SMC5: variants seen among roughly 807,000 people sequenced by gnomAD.
SMC5 encodes the protein structural maintenance of chromosomes 5, also known as structural maintenance of chromosomes protein 5.
SMC5 carries 88 observed loss-of-function variants against 148.3 expected under a neutral mutation model. That is an observed-to-expected ratio of 0.59 (90% confidence interval 0.50 to 0.71). The LOEUF (loss-of-function observed/expected upper bound fraction) is 0.71, where lower values mean the gene tolerates loss of function less well. Ranked by LOEUF, SMC5 falls within the 30% of genes least tolerant of loss-of-function variation. The pLI is 0.00. For missense variants in SMC5, 1,142 were observed against 1,298.9 expected (o/e 0.88, Z 1.86); for synonymous variants, 421 against 432.8 (o/e 0.97, Z 0.34).
intron 17 of SMC5, among the ~76,000 whole-genome samples, chr9:70,328,974 A>T (rs2036154825): frequency 6.6e-6 from 1 of 152,160 alleles, no homozygotes. Context: ...CCCTGAAGTA[A>T]TGGCCTGAGC....
chr9:70,352,416 T>C lies in SMC5; in HGVS notation c.*85T>C, dbSNP rs2036826865. 7.4e-7 allele frequency: 1 copy of C among 1,349,962 alleles called. No homozygotes were observed. The highest frequency in any genetic ancestry group is 1.0e-6 in the Non-Finnish European group (1 of 1,001,782). 83.6% of individuals were successfully genotyped at this position (1,349,962 alleles called of 1,614,324 possible). ...CTCAACTGAATAAAAGGAGATTCAC[T>C]AAAACGAAAAGCAGTTATTTTTGGA... On this transcript the variant is annotated 3_prime_UTR_variant, in exon 25 of 25. Transcript: ENST00000361138.
chr9:70,270,950 A>G (rs2034433164), intron 3 of SMC5, among the ~76,000 whole-genome samples: 1 of 152,104 alleles, frequency 6.6e-6, no homozygotes, highest in Non-Finnish European at 1.5e-5. Context: ...CCCGGCCTAC[A>G]TATTTCTTAA....
chr9:70,346,729 C>A, intron 19 of SMC5, 80 bp downstream of exon 19: 1 of 1,424,216 alleles, frequency 7.0e-7, no homozygotes. Context: ...CTTTAAGGCC[C>A]GGAGATGAAT....
chr9:70,286,127 G>C (rs563470042), intron 7 of SMC5, 73 bp from the exon 8 acceptor site: 1 of 887,282 alleles, frequency 1.1e-6, no homozygotes, highest in African/African-American at 1.7e-5. Flanking sequence ...TATTTGAATG[G>C]GCAGGGCCAT....
Position 70,277,297 on chromosome 9 carries a change from A to AT in SMC5, c.381-7dup. On this transcript the variant is annotated splice_polypyrimidine_tract_variant and intron_variant, in intron 3 of 24. Transcript: ENST00000361138. ...TTTTGAATATAAAGATTCTTAAATTATTTTTTAATTAGGTTCAGGGCTTCT... is the reference window on the plus strand; with the variant it reads ...TTTTGAATATAAAGATTCTTAAATTATTTTTTTAATTAGGTTCAGGGCTTCT... The AT allele has an allele frequency of 6.7e-7, 1 of 1,482,518 alleles. No homozygotes were observed. Among genetic ancestry groups the AT allele is most frequent in the Non-Finnish European group, 8.9e-7 (1 of 1,118,930 alleles). 91.8% of individuals were successfully genotyped at this position (1,482,518 alleles called of 1,614,324 possible). A position where few individuals can be genotyped will look rare whatever the true frequency, so the allele number is the denominator to read the frequency against.
chr9:70,296,725 A>G (rs79256941), intron 8 of SMC5, among the ~76,000 whole-genome samples: 5,320 of 152,254 alleles, frequency 0.035, 125 homozygotes, highest in Non-Finnish European at 0.054. Context: ...GATGTGTTAA[A>G]TTTATCTATT....
At chr9:70,270,967 C>G (rs984488339) in intron 3 of SMC5, among the ~76,000 whole-genome samples, 3 of 152,018 alleles carry the variant, frequency 2.0e-5, no homozygotes. Context: ...TTAATACAGG[C>G]TGAGTATCCC....
Position 70,286,246 on chromosome 9 carries a change from A to G in SMC5, c.1028A>G (p.Asp343Gly), listed in dbSNP as rs2034898995. 2 of 1,593,708 alleles carry G rather than the reference A, an allele frequency of 1.3e-6. No homozygotes were observed. Among genetic ancestry groups the G allele is most frequent in the South Asian group, 2.2e-5 (2 of 89,918 alleles). ...EASQKCKQKQ[D>G]VIERKDKHIE... is the part of the protein sequence containing the mutation. ...TCTCAAAAATGCAAACAGAAGCAAGATGTTATAGAAAGGAAAGATAAACAT... is the reference window on the plus strand; with the variant it reads ...TCTCAAAAATGCAAACAGAAGCAAGGTGTTATAGAAAGGAAAGATAAACAT... Residue 343 changes from aspartate (D) to glycine (G), a missense_variant, in exon 8 of 25, where the codon GAT becomes GGT. By Grantham distance (94) the Asp-to-Gly change is moderately conservative. This residue lies in a region of SMC5 where 743 missense variants were observed against 835.7 expected (regional missense o/e 0.89). Transcript: ENST00000361138.
At chr9:70,293,256 A>C (rs2035111735) in intron 8 of SMC5, among the ~76,000 whole-genome samples, 1 of 152,078 alleles carries the variant, frequency 6.6e-6, no homozygotes, top group African/African-American at 2.4e-5. Flanking sequence ...TGTATGCATA[A>C]ATTCTCTTAT....
chr9:70,325,120 T>C (rs561052490), intron 17 of SMC5, among the ~76,000 whole-genome samples: 1 of 152,222 alleles, frequency 6.6e-6, no homozygotes, highest in South Asian at 2.1e-4. Flanking sequence ...GCTGAAATCA[T>C]GTGGCTCAAA....
intron 17 of SMC5, among the ~76,000 whole-genome samples, chr9:70,334,744 A>G (rs999358561): frequency 8.5e-5 from 13 of 152,150 alleles, no homozygotes; most frequent in Non-Finnish European, 1.6e-4. Context: ...AAATAATTTC[A>G]ACTATCAATA....
intron 2 of SMC5, among the ~76,000 whole-genome samples, chr9:70,266,976 A>T (rs2034307635): frequency 6.6e-6 from 1 of 151,530 alleles, no homozygotes; most frequent in African/African-American, 2.4e-5. Context: ...TAGATAGTAG[A>T]TGTTAAAACC....
chr9:70,325,084 C>G (rs2036044847), intron 17 of SMC5, among the ~76,000 whole-genome samples: 1 of 152,160 alleles, frequency 6.6e-6, no homozygotes, highest in Admixed American at 6.5e-5. Context: ...ATCATCAGCC[C>G]TCTTCCCTGG....
intron 17 of SMC5, among the ~76,000 whole-genome samples, chr9:70,330,869 T>C (rs1000632459): frequency 6.6e-6 from 1 of 152,146 alleles, no homozygotes; most frequent in Non-Finnish European, 1.5e-5. Flanking sequence ...GTAGCCAGAT[T>C]TTAAAAAGCA....
chr9:70,279,817 CAAAAAAAAA>C lies in SMC5; in HGVS notation c.679-929_679-921del, dbSNP rs561567100. 8.8e-4 allele frequency among the ~76,000 whole-genome samples: 50 copies of C among 56,602 alleles called. No individual in the cohort carries two copies. In the South Asian group the frequency reaches 0.024, roughly 28 times the overall value. 37.1% of individuals were successfully genotyped at this position (56,602 alleles called of 152,430 possible). A position where few individuals can be genotyped will look rare whatever the true frequency, so the allele number is the denominator to read the frequency against. ...GGGCAACAAGAGCAAAACTCCGTTT[CAAAAAAAAA>C]AAAAAAAAAAAAGGAAATCTGTTTT... is the stretch of plus-strand genomic sequence containing the variant. On this transcript the variant is annotated intron_variant, in intron 5 of 24. Coordinates refer to ENST00000361138, the MANE Select transcript of SMC5 (RefSeq NM_015110.4).
Position 70,305,240 on chromosome 9 carries a change from TG to T in SMC5, c.1465-6del, listed in dbSNP as rs780264674. 2.1e-5 allele frequency: 28 copies of T among 1,352,506 alleles called. No individual in the cohort carries two copies. The highest frequency in any genetic ancestry group is 2.7e-5 in the Non-Finnish European group (26 of 961,960). 83.8% of individuals were successfully genotyped at this position (1,352,506 alleles called of 1,614,324 possible). The stretch of plus-strand genomic sequence containing the variant: ...GAAATTCGACCTTTTTTTGCTTGTT[TG>T]TTTAGATCAATATGAAAGATAATAA... On this transcript the variant is annotated splice_region_variant and splice_polypyrimidine_tract_variant and intron_variant, in intron 10 of 24. Coordinates refer to ENST00000361138, the MANE Select transcript of SMC5 (RefSeq NM_015110.4).
intron 8 of SMC5, among the ~76,000 whole-genome samples, chr9:70,292,766 T>C (rs1054363944): frequency 5.3e-5 from 8 of 152,132 alleles, no homozygotes; most frequent in African/African-American, 1.7e-4. Context: ...GATATAATTG[T>C]GTAAGTTTTT....
At chr9:70,340,757 A>T (rs2036499385) in intron 17 of SMC5, among the ~76,000 whole-genome samples, 1 of 152,150 alleles carries the variant, frequency 6.6e-6, no homozygotes. Context: ...TTCTGTGAAT[A>T]ATTCTTACTT....
At chr9:70,304,830 A>G (rs751448801) in intron 10 of SMC5, among the ~76,000 whole-genome samples, 2 of 152,030 alleles carry the variant, frequency 1.3e-5, no homozygotes, top group Non-Finnish European at 2.9e-5. Flanking sequence ...TATAAAGTTT[A>G]AAGTTCTTTG....
Sources: gnomAD v4.1 joint callset for allele counts (sites outside exome capture counted in the v4.1 genomes callset) on GRCh38, gnomAD v4.1.1 for gene constraint, gnomAD v4.1.1 regional missense constraint, MANE v1.5 for transcripts, NCBI Gene and HGNC (gene_info 2026-07-23, HGNC 2026-07-21) for gene names.